ASB18: variants seen among roughly 807,000 people sequenced by gnomAD.
ASB18 encodes the protein ankyrin repeat and SOCS box containing 18.
Under a neutral mutation model 33.4 loss-of-function variants are expected in ASB18, and 33 were observed. That is an observed-to-expected ratio of 0.99 (90% CI 0.75 to 1.32). The LOEUF (loss-of-function observed/expected upper bound fraction) is 1.32, where lower values mean the gene tolerates loss of function less well. ASB18 is among the 40% of genes most tolerant of loss of function. The pLI is 0.00. For synonymous variants in ASB18, 295 were observed against 307.6 expected, an observed-to-expected ratio of 0.96 and a Z score of 0.43; for missense variants, 694 against 655.5, an observed-to-expected ratio of 1.06 and a Z score of -0.64.
Position 236,239,188 on chromosome 2 carries a change from T to G in ASB18, c.329-1232A>C, listed in dbSNP as rs2060610058. ...CCGTGATAACAATAACCTACATTCC[T>G]GCAGGTGCCAGCTCTTGGTTTTTTG... On this transcript the variant is annotated intron_variant, in intron 2 of 5. Transcript: ENST00000409749. The surrounding 1 kb of genome is among the most constrained non-coding windows in gnomAD (Gnocchi z 5.6). 6.6e-6 allele frequency among the ~76,000 whole-genome samples: 1 copy of G among 152,248 alleles called. No homozygotes were observed. The highest frequency in any genetic ancestry group is 6.5e-5 in the Admixed American group (1 of 15,288).
At position 236,225,634 on chromosome 2, in the gene ASB18, C is replaced by T. The variant is rs59437558; in HGVS notation, c.597-10768G>A. Among the ~76,000 whole-genome samples the T allele has an allele frequency of 1.4e-3, 206 of 152,126 alleles. 1 individual carries two copies. The highest frequency in any genetic ancestry group is 4.6e-3 in the African/African-American group (192 of 41,512). ...GAGAGGAATCTGATAACAAATAGGGCGAGGCTGGCATGCAGGCTGCTAATG... is the reference window on the plus strand; with the variant it reads ...GAGAGGAATCTGATAACAAATAGGGTGAGGCTGGCATGCAGGCTGCTAATG... On this transcript the variant is annotated intron_variant, in intron 3 of 5. Coordinates refer to ENST00000409749, the MANE Select transcript of ASB18 (RefSeq NM_212556.4). The surrounding 1 kb of genome is among the most constrained non-coding windows in gnomAD (Gnocchi z 5.1).
chr2:236,241,628 G>C lies in ASB18; in HGVS notation c.206-226C>G. ...CTCAATTGTCATCCAGTTGGGGCTC[G>C]ATGGTGGTATATTTATAACTCCTGT... On this transcript the variant is annotated intron_variant, in intron 1 of 5. Coordinates refer to ENST00000409749, the MANE Select transcript of ASB18 (RefSeq NM_212556.4). This position sits in a 1 kb window ranked among gnomAD's most constrained non-coding sequence, Gnocchi z 4.2. The C allele has an allele frequency of 1.6e-6, 1 of 642,802 alleles. No individual in the cohort carries two copies. The highest frequency in any genetic ancestry group is 2.8e-6 in the Non-Finnish European group (1 of 359,212). 39.8% of individuals were successfully genotyped at this position (642,802 alleles called of 1,614,324 possible). A position where few individuals can be genotyped will look rare whatever the true frequency, so the allele number is the denominator to read the frequency against.
In ASB18 at chr2:236,214,555, T is replaced by C. The variant is rs2060476192; in HGVS notation, c.908A>G (p.His303Arg). Residue 303 changes from histidine (H) to arginine (R), a missense_variant, in exon 4 of 6, where the codon CAC becomes CGC. Physicochemically the swap from His to Arg is conservative, Grantham distance 29. Coordinates refer to ENST00000409749, the MANE Select transcript of ASB18 (RefSeq NM_212556.4). This position sits in a 1 kb window ranked among gnomAD's most constrained non-coding sequence, Gnocchi z 6.5. ...ERSPLHKACGHASHSLARLLL... is the reference protein window; with the variant it reads ...ERSPLHKACGRASHSLARLLL... ...GAGGCGCGCCAGGCTGTGGCTCGCG[T>C]GGCCGCAGGCTTTGTGCAGCGGGCT... 7.2e-7 allele frequency: 1 copy of C among 1,397,086 alleles called. No individual in the cohort carries two copies. The highest frequency in any genetic ancestry group is 3.5e-5 in the Admixed American group (1 of 28,242). 86.5% of individuals were successfully genotyped at this position (1,397,086 alleles called of 1,614,324 possible). A position where few individuals can be genotyped will look rare whatever the true frequency, so the allele number is the denominator to read the frequency against.
chr2:236,240,759 T>TC (rs1421938944), intron 2 of ASB18, among the ~76,000 whole-genome samples: 1 of 152,210 alleles, frequency 6.6e-6, no homozygotes, highest in Non-Finnish European at 1.5e-5. Flanking sequence ...TCTGGTTTCT[T>TC]CCTTTTTCCT....
chr2:236,254,878 G>A (rs755177943), intron 1 of ASB18, among the ~76,000 whole-genome samples: 13 of 152,066 alleles, frequency 8.5e-5, no homozygotes, highest in Non-Finnish European at 1.6e-4. Flanking sequence ...GATCATGGGG[G>A]CGGAGTTCCC....
At position 236,263,566 on chromosome 2, in the gene ASB18, T is replaced by C. The variant is rs2060730060; in HGVS notation, c.205+575A>G. 6.6e-6 allele frequency among the ~76,000 whole-genome samples: 1 copy of C among 152,246 alleles called. No homozygotes were observed. Among genetic ancestry groups the C allele is most frequent in the Non-Finnish European group, 1.5e-5 (1 of 68,050 alleles). On this transcript the variant is annotated intron_variant, in intron 1 of 5. Coordinates refer to ENST00000409749, the MANE Select transcript of ASB18 (RefSeq NM_212556.4). The surrounding 1 kb of genome is among the most constrained non-coding windows in gnomAD (Gnocchi z 4.0). ...AACAATACAATTTGAAAAAATGTTA[T>C]GTTCTTGTTCCAGTTATATGGCTCC...
chr2:236,263,693 C>A lies in ASB18; in HGVS notation c.205+448G>T, dbSNP rs1416571212. ...ATTATTTATAGAAGCAAAAAGGTAA[C>A]CAAATACTATCTTTTTGTAGGCATT... is the stretch of plus-strand genomic sequence containing the variant. On this transcript the variant is annotated intron_variant, in intron 1 of 5. Transcript: ENST00000409749. This position sits in a 1 kb window ranked among gnomAD's most constrained non-coding sequence, Gnocchi z 4.0. 6.7e-6 allele frequency among the ~76,000 whole-genome samples: 1 copy of A among 150,372 alleles called. No individual in the cohort carries two copies. Among genetic ancestry groups the A allele is most frequent in the African/African-American group, 2.5e-5 (1 of 39,746 alleles).
In ASB18 at chr2:236,239,250, C is replaced by T. The variant is rs1414107468; in HGVS notation, c.329-1294G>A. 1.3e-5 allele frequency among the ~76,000 whole-genome samples: 2 copies of T among 152,240 alleles called. No individual in the cohort carries two copies. The highest frequency in any genetic ancestry group is 2.9e-5 in the Non-Finnish European group (2 of 68,048). ...TTTTCTGAGAGATGAAAACTACTTA[C>T]TGCCTTCTCTGGGAAATGCTAAATC... On this transcript the variant is annotated intron_variant, in intron 2 of 5. Coordinates refer to ENST00000409749, the MANE Select transcript of ASB18 (RefSeq NM_212556.4). This position sits in a 1 kb window ranked among gnomAD's most constrained non-coding sequence, Gnocchi z 5.6.
Position 236,262,455 on chromosome 2 carries a change from C to T in ASB18, c.205+1686G>A, listed in dbSNP as rs1055417972. ...GAGCCAAGCCTTCCACAGAAGGAGGCTGCTAAACCCAGCAGCGATCTGGCA... is the reference window on the plus strand; with the variant it reads ...GAGCCAAGCCTTCCACAGAAGGAGGTTGCTAAACCCAGCAGCGATCTGGCA... On this transcript the variant is annotated intron_variant, in intron 1 of 5. Coordinates refer to ENST00000409749, the MANE Select transcript of ASB18 (RefSeq NM_212556.4). This position sits in a 1 kb window ranked among gnomAD's most constrained non-coding sequence, Gnocchi z 5.2. Among the ~76,000 whole-genome samples, 2 of 152,210 alleles carry T rather than the reference C, an allele frequency of 1.3e-5. No individual in the cohort carries two copies. Among genetic ancestry groups the T allele is most frequent in the Admixed American group, 6.5e-5 (1 of 15,288 alleles).
intron 4 of ASB18, among the ~76,000 whole-genome samples, chr2:236,201,359 G>C (rs1435116069): frequency 5.9e-5 from 9 of 152,028 alleles, no homozygotes; most frequent in Non-Finnish European, 1.3e-4. Context: ...TCACTATGCT[G>C]CCCAGGCTGG....
Position 236,255,635 on chromosome 2 carries a change from T to C in ASB18, c.205+8506A>G, listed in dbSNP as rs1245623053. Reference sequence around the variant, plus strand: ...TTTCTCCTCTATCTTCTGCTTTACCTAAGTAAAAGAGTCAGGTGTTTTCTT... The same window carrying C: ...TTTCTCCTCTATCTTCTGCTTTACCCAAGTAAAAGAGTCAGGTGTTTTCTT... On this transcript the variant is annotated intron_variant, in intron 1 of 5. Coordinates refer to ENST00000409749, the MANE Select transcript of ASB18 (RefSeq NM_212556.4). This position sits in a 1 kb window ranked among gnomAD's most constrained non-coding sequence, Gnocchi z 4.4. Among the ~76,000 whole-genome samples the C allele has an allele frequency of 6.6e-6, 1 of 152,238 alleles. No homozygotes were observed. Among genetic ancestry groups the C allele is most frequent in the East Asian group, 1.9e-4 (1 of 5,202 alleles).
At position 236,237,303 on chromosome 2, in the gene ASB18, C is replaced by T. The variant is rs1302072162; in HGVS notation, c.596+386G>A. Among the ~76,000 whole-genome samples the T allele has an allele frequency of 2.6e-5, 4 of 151,284 alleles. No homozygotes were observed. Among genetic ancestry groups the T allele is most frequent in the Admixed American group, 1.3e-4 (2 of 15,174 alleles). ...CATTACCTCGGCGTGGCGCCTCCCG[C>T]GCGCGCTCGCAATCAAGCGCTAATT... On this transcript the variant is annotated intron_variant, in intron 3 of 5. Coordinates refer to ENST00000409749, the MANE Select transcript of ASB18 (RefSeq NM_212556.4). This position sits in a 1 kb window ranked among gnomAD's most constrained non-coding sequence, Gnocchi z 6.2.
rs1412854330 is a variant in ASB18 at position 236,241,285 on chromosome 2, A to T, written c.323T>A (p.Leu108Gln). The change falls in exon 2 of 6, where the codon CTA becomes CAA. Residue 108 changes from leucine (L) to glutamine (Q), a missense_variant. Physicochemically the swap from Leu to Gln is moderately radical, Grantham distance 113 (BLOSUM62 -2). Coordinates refer to ENST00000409749, the MANE Select transcript of ASB18 (RefSeq NM_212556.4). The surrounding 1 kb of genome is among the most constrained non-coding windows in gnomAD (Gnocchi z 4.2). ...WQVKSPATFG[L>Q]SGLWTLEYKR... The stretch of plus-strand genomic sequence containing the variant: ...GCTTTAAAGAACAAGGGTACCTGAT[A>T]GTCCAAACGTGGCTGGAGATTTCAC... The T allele has an allele frequency of 6.2e-7, 1 of 1,613,826 alleles. No homozygotes were observed. The highest frequency in any genetic ancestry group is 8.5e-7 in the Non-Finnish European group (1 of 1,179,716).
Position 236,252,138 on chromosome 2 carries a change from G to C in ASB18, c.206-10736C>G, listed in dbSNP as rs960214189. Among the ~76,000 whole-genome samples the C allele has an allele frequency of 6.6e-6, 1 of 152,130 alleles. No homozygotes were observed. The highest frequency in any genetic ancestry group is 2.4e-5 in the African/African-American group (1 of 41,420). On this transcript the variant is annotated intron_variant, in intron 1 of 5. Transcript: ENST00000409749. This position sits in a 1 kb window ranked among gnomAD's most constrained non-coding sequence, Gnocchi z 7.9. ...GTACAAAAATCAGCTGAGGGTGGTG[G>C]TGTGCGGCTGCAGTCCCAGCTATTC...
rs10198350 is a variant in ASB18, at chr2:236,244,682, T to C, written c.206-3280A>G. On this transcript the variant is annotated intron_variant, in intron 1 of 5. Coordinates refer to ENST00000409749, the MANE Select transcript of ASB18 (RefSeq NM_212556.4). The surrounding 1 kb of genome is among the most constrained non-coding windows in gnomAD (Gnocchi z 6.1). ...CAGGCTTTCTGTGTGGGCTCTTTAT[T>C]TGGAAGAGTAACCTGGCTTTTGGGT... 0.12 allele frequency among the ~76,000 whole-genome samples: 17,987 copies of C among 152,104 alleles called. 1,132 individuals carry two copies. Among genetic ancestry groups the C allele is most frequent in the Middle Eastern group, 0.23 (69 of 294 alleles).
At chr2:236,236,249 T>A (rs1415794385) in intron 3 of ASB18, among the ~76,000 whole-genome samples, 2 of 152,140 alleles carry the variant, frequency 1.3e-5, no homozygotes, top group Non-Finnish European at 2.9e-5. Flanking sequence ...CAGATGAATC[T>A]TAAAATAATT....
intron 3 of ASB18, among the ~76,000 whole-genome samples, chr2:236,232,395 T>A (rs75014662): frequency 2.6e-5 from 4 of 151,888 alleles, no homozygotes; most frequent in Middle Eastern, 3.2e-3. Flanking sequence ...TTAAAAAACA[T>A]GAAAGTTCCT....
chr2:236,208,407 T>C lies in ASB18; in HGVS notation c.1101+5955A>G, dbSNP rs893131717. Among the ~76,000 whole-genome samples the C allele has an allele frequency of 6.6e-6, 1 of 152,228 alleles. No individual in the cohort carries two copies. Among genetic ancestry groups the C allele is most frequent in the Non-Finnish European group, 1.5e-5 (1 of 68,038 alleles). On this transcript the variant is annotated intron_variant, in intron 4 of 5. Coordinates refer to ENST00000409749, the MANE Select transcript of ASB18 (RefSeq NM_212556.4). The surrounding 1 kb of genome is among the most constrained non-coding windows in gnomAD (Gnocchi z 7.7). The stretch of plus-strand genomic sequence containing the variant: ...TCACGCCATTAAGAAGGACTCACGC[T>C]GGACCCCTCGGGATGGAGTCTGCTG...
Position 236,194,764 on chromosome 2 carries a change from G to T in ASB18, c.*108C>A. 1 of 961,318 alleles carries T rather than the reference G, an allele frequency of 1.0e-6. No homozygotes were observed. Among genetic ancestry groups the T allele is most frequent in the Non-Finnish European group, 1.5e-6 (1 of 654,078 alleles). The allele number at this position is 961,318 out of a possible 1,614,324, so 59.5% of individuals were successfully genotyped here. On this transcript the variant is annotated 3_prime_UTR_variant, in exon 6 of 6. Coordinates refer to ENST00000409749, the MANE Select transcript of ASB18 (RefSeq NM_212556.4). The surrounding 1 kb of genome is among the most constrained non-coding windows in gnomAD (Gnocchi z 4.5). The stretch of plus-strand genomic sequence containing the variant: ...CACCCGGTCCCACGGAGAGCAAGTG[G>T]GAAGGGAACTCCCATCACCTCCATC...
Sources: gnomAD v4.1 joint callset for allele counts (sites outside exome capture counted in the v4.1 genomes callset) on GRCh38, gnomAD v4.1.1 for gene constraint, Gnocchi (gnomAD v3.1) non-coding constraint, MANE v1.5 for transcripts, NCBI Gene and HGNC (gene_info 2026-07-23, HGNC 2026-07-21) for gene names.